Variants in PPL observed in about 807,000 individuals in gnomAD.
PPL encodes the protein 190 kDa paraneoplastic pemphigus antigen.
In PPL, 198 loss-of-function variants were observed where a neutral mutation model predicts 194.4. That is an observed-to-expected ratio of 1.02 (90% CI 0.91 to 1.15). PPL has a LOEUF of 1.15. Among genes scored for constraint, PPL ranks in the 50% most tolerant of loss-of-function variants. PPL has a pLI of 0.00. For synonymous variants in PPL, 1,220 were observed against 972.4 expected (o/e 1.25, Z -4.74); for missense variants, 2,885 against 2,294.8 (o/e 1.26, Z -5.25).
intron 1 of PPL, among the ~76,000 whole-genome samples, chr16:4,912,383 C>A (rs2088836006): frequency 6.6e-6 from 1 of 152,242 alleles, no homozygotes; most frequent in Non-Finnish European, 1.5e-5. Flanking sequence ...ATTAGAACTT[C>A]ATTCTTTTTA....
chr16:4,932,794 G>A (rs1404317695), intron 1 of PPL, among the ~76,000 whole-genome samples: 2 of 152,036 alleles, frequency 1.3e-5, no homozygotes, highest in African/African-American at 2.4e-5. Context: ...TCTGAACCAG[G>A]TCATGGGCTG....
chr16:4,922,842 G>A (rs908684755), intron 1 of PPL, among the ~76,000 whole-genome samples: 6 of 152,224 alleles, frequency 3.9e-5, no homozygotes, highest in East Asian at 1.9e-4. Flanking sequence ...TTGCCTTGCC[G>A]GGGCACGTGG....
Position 4,883,917 on chromosome 16 carries a change from G to A in PPL, c.4738C>T (p.Arg1580Ter), listed in dbSNP as rs767782882. 5.6e-6 allele frequency: 9 copies of A among 1,613,838 alleles called. No individual in the cohort carries two copies. The highest frequency in any genetic ancestry group is 2.2e-5 in the East Asian group (1 of 44,894). ...LERQNLQLET[R>*]RLQSEINMAA... ...ATGTTGATTTCCGATTGGAGCCTTC[G>A]GGTCTCCAGCTGCAGGTTTTGCCTC... is the stretch of plus-strand genomic sequence containing the variant. The change falls in exon 22 of 22, where the codon CGA becomes TGA. Residue 1580 changes from arginine to a stop codon, truncating the protein, a stop_gained. Transcript: ENST00000345988. LOFTEE classifies it high-confidence loss of function. The surrounding 1 kb of genome is among the most constrained non-coding windows in gnomAD (Gnocchi z 4.8).
At chr16:4,905,863 G>A (rs1162695239) in intron 2 of PPL, among the ~76,000 whole-genome samples, 1 of 152,182 alleles carries the variant, frequency 6.6e-6, no homozygotes, top group Non-Finnish European at 1.5e-5. Flanking sequence ...TTAACACTTT[G>A]GGGGGCTGTG....
chr16:4,900,814 C>T lies in PPL; in HGVS notation c.606+16G>A. 6.2e-7 allele frequency: 1 copy of T among 1,614,140 alleles called. No individual in the cohort carries two copies. Among genetic ancestry groups the T allele is most frequent in the South Asian group, 1.1e-5 (1 of 91,084 alleles). ...CTCCTCTCCCCATGAGGCCTTTCCC[C>T]CAGGGAGCTCCTCACCAGCAGTTTC... On this transcript the variant is annotated intron_variant, in intron 6 of 21. Transcript: ENST00000345988.
intron 1 of PPL, among the ~76,000 whole-genome samples, chr16:4,916,961 C>G (rs2088930290): frequency 6.6e-6 from 1 of 152,082 alleles, no homozygotes; most frequent in Non-Finnish European, 1.5e-5. Flanking sequence ...GAAACCCCAT[C>G]TCTACTAAAA....
At chr16:4,886,151 T>A in intron 21 of PPL, 104 bp from the exon 22 acceptor site, 3 of 1,359,854 alleles carry the variant, frequency 2.2e-6, no homozygotes, top group Non-Finnish European at 2.0e-6. Flanking sequence ...CCCAAGGGAC[T>A]CCCTCAGTGC....
chr16:4,915,369 G>C (rs546424677), intron 1 of PPL, among the ~76,000 whole-genome samples: 22 of 152,350 alleles, frequency 1.4e-4, no homozygotes, highest in African/African-American at 5.1e-4. Flanking sequence ...TACAGCCTCC[G>C]CTTCTCCATC....
rs971624375 is a variant in PPL at position 4,884,461 on chromosome 16, C to T, written c.4194G>A (p.Glu1398=). 6.2e-7 allele frequency: 1 copy of T among 1,602,496 alleles called. No individual in the cohort carries two copies. Among genetic ancestry groups the T allele is most frequent in the Non-Finnish European group, 8.5e-7 (1 of 1,177,262 alleles). The part of the protein sequence containing the change: ...ELRRLQRRRT[E]LERQLEELER... Reference sequence around the variant, plus strand: ...CTAGCTCCTCCAGCTGCCGCTCAAGCTCGGTGCGCCGGCGCTGCAGCCGCC... The same window carrying T: ...CTAGCTCCTCCAGCTGCCGCTCAAGTTCGGTGCGCCGGCGCTGCAGCCGCC... The change falls in exon 22 of 22, where the codon GAG becomes GAA. Residue 1398 remains glutamate, a synonymous_variant. Coordinates refer to ENST00000345988, the MANE Select transcript of PPL (RefSeq NM_002705.5). The surrounding 1 kb of genome is among the most constrained non-coding windows in gnomAD (Gnocchi z 5.7).
rs778282209 is a variant in PPL at position 4,894,607 on chromosome 16, C to T, written c.1254G>A (p.Ser418=). The change falls in exon 12 of 22, where the codon TCG becomes TCA. Residue 418 remains serine (S), a synonymous_variant. Transcript: ENST00000345988. ...TCTGCAGGGTGTAGCTGTAGCCCCGCGAGATCAGGCCCTGGCGGGGGCAGG... is the reference window on the plus strand; with the variant it reads ...TCTGCAGGGTGTAGCTGTAGCCCCGTGAGATCAGGCCCTGGCGGGGGCAGG... ...CDFEGEQGLI[S]RGYSYTLQKN... is the part of the protein sequence containing the mutation. 1.7e-5 allele frequency: 27 copies of T among 1,613,044 alleles called. No homozygotes were observed. The highest frequency in any genetic ancestry group is 6.7e-5 in the East Asian group (3 of 44,876).
chr16:4,884,596 C>T lies in PPL; in HGVS notation c.4059G>A (p.Gln1353=), dbSNP rs188731371. The change falls in exon 22 of 22, where the codon CAG becomes CAA. Residue 1353 remains glutamine (Q), a synonymous_variant. Transcript: ENST00000345988. This position sits in a 1 kb window ranked among gnomAD's most constrained non-coding sequence, Gnocchi z 5.7. ...LSRVKERVVQ[Q]EVVRYEEEPG... ...GCTCCTCCTCATACCTGACCACCTC[C>T]TGCTGCACCACCCTTTCCTTCACCC... 2.0e-4 allele frequency: 325 copies of T among 1,614,124 alleles called. 1 individual carries two copies. The East Asian group carries it at 7.1e-3, about 35-fold the overall frequency.
At chr16:4,929,852 A>AT (rs780244720) in intron 1 of PPL, among the ~76,000 whole-genome samples, 2,751 of 140,664 alleles carry the variant, frequency 0.02, 54 homozygotes, top group African/African-American at 0.052. Context: ...TGCCCAGCTA[A>AT]TTTTTTTTTT....
At position 4,903,932 on chromosome 16, in the gene PPL, T is replaced by C. The variant is rs766051729; in HGVS notation, c.271A>G (p.Ile91Val). Residue 91 changes from isoleucine to valine, a missense_variant, in exon 3 of 22, where the codon ATT becomes GTT. Coordinates refer to ENST00000345988, the MANE Select transcript of PPL (RefSeq NM_002705.5). ...TGTGGGTGCTTCATGTGCTTGGCAA[T>C]GGCCGCATCCGCCTCTAGCACATAG... ...LLYVLEADAA[I>V]AKHMKHPQGD... 27 of 1,613,964 alleles carry C rather than the reference T, an allele frequency of 1.7e-5. No individual in the cohort carries two copies. The South Asian group carries it at 2.6e-4, about 16-fold the overall frequency.
chr16:4,909,151 G>A (rs900629559), intron 2 of PPL, among the ~76,000 whole-genome samples: 1 of 152,030 alleles, frequency 6.6e-6, no homozygotes, highest in African/African-American at 2.4e-5. Context: ...CCCACTCCTG[G>A]GGCCCCTGCA....
chr16:4,903,537 T>A (rs982364043), intron 3 of PPL, among the ~76,000 whole-genome samples: 4 of 151,926 alleles, frequency 2.6e-5, no homozygotes, highest in African/African-American at 7.3e-5. Context: ...CTGGCCAACA[T>A]GGAGAAACCC....
chr16:4,896,639 G>GT (rs1387761941), intron 9 of PPL, among the ~76,000 whole-genome samples: 10,195 of 129,640 alleles, frequency 0.079, 477 homozygotes, highest in African/African-American at 0.1. Flanking sequence ...GTACGGGGTT[G>GT]TTTTTTTTTT....
chr16:4,883,762 G>C lies in PPL; in HGVS notation c.4893C>G (p.Leu1631=). The part of the protein sequence containing the change: ...DLKRLSKDKD[L]EIDELQKRLG... ...GGCGCTTCTGCAGCTCGTCGATCTC[G>C]AGGTCTTTGTCCTTGGAGAGCCTCT... The change falls in exon 22 of 22, where the codon CTC becomes CTG. Residue 1631 remains leucine, a synonymous_variant. Coordinates refer to ENST00000345988, the MANE Select transcript of PPL (RefSeq NM_002705.5). The surrounding 1 kb of genome is among the most constrained non-coding windows in gnomAD (Gnocchi z 4.8). 4 of 1,614,058 alleles carry C rather than the reference G, an allele frequency of 2.5e-6. No individual in the cohort carries two copies. Among genetic ancestry groups the C allele is most frequent in the Non-Finnish European group, 3.4e-6 (4 of 1,180,008 alleles).
Position 4,893,307 on chromosome 16 carries a change from T to A in PPL, c.1556A>T (p.Asp519Val). 6.2e-7 allele frequency: 1 copy of A among 1,607,682 alleles called. No homozygotes were observed. Among genetic ancestry groups the A allele is most frequent in the Non-Finnish European group, 8.5e-7 (1 of 1,179,346 alleles). ...CCCTGTGATGGCCTTCTCCTGCCGGTCCAGGTCGCTGGCCACCTTGTCCAA... is the reference window on the plus strand; with the variant it reads ...CCCTGTGATGGCCTTCTCCTGCCGGACCAGGTCGCTGGCCACCTTGTCCAA... ...AGLDKVASDLDRQEKAITGIL... is the reference protein window; with the variant it reads ...AGLDKVASDLVRQEKAITGIL... Residue 519 changes from aspartate (D) to valine (V), a missense_variant, in exon 14 of 22, where the codon GAC becomes GTC. By Grantham distance (152) the Asp-to-Val change is radical. Coordinates refer to ENST00000345988, the MANE Select transcript of PPL (RefSeq NM_002705.5).
In PPL at chr16:4,902,630, A is replaced by C; in HGVS notation, c.318-104T>G. 7.5e-7 allele frequency: 1 copy of C among 1,325,400 alleles called. No individual in the cohort carries two copies. Among genetic ancestry groups the C allele is most frequent in the Non-Finnish European group, 1.0e-6 (1 of 964,774 alleles). 82.1% of individuals were successfully genotyped at this position (1,325,400 alleles called of 1,614,324 possible). A position where few individuals can be genotyped will look rare whatever the true frequency, so the allele number is the denominator to read the frequency against. ...CGGCCTCAGTGTCCTGGAAGGACACAGTGACCATATGGCCTTGGGTTCCAG... is the reference window on the plus strand; with the variant it reads ...CGGCCTCAGTGTCCTGGAAGGACACCGTGACCATATGGCCTTGGGTTCCAG... On this transcript the variant is annotated intron_variant, in intron 3 of 21. Coordinates refer to ENST00000345988, the MANE Select transcript of PPL (RefSeq NM_002705.5). This position sits in a 1 kb window ranked among gnomAD's most constrained non-coding sequence, Gnocchi z 4.0.
Sources: gnomAD v4.1 joint callset for allele counts (sites outside exome capture counted in the v4.1 genomes callset) on GRCh38, gnomAD v4.1.1 for gene constraint, Gnocchi (gnomAD v3.1) non-coding constraint, MANE v1.5 for transcripts, NCBI Gene and HGNC (gene_info 2026-07-23, HGNC 2026-07-21) for gene names.